TMEFF2: variants seen among roughly 807,000 people sequenced by gnomAD.
TMEFF2 encodes tomoregulin-2.
A neutral mutation model predicts 53.8 loss-of-function variants in TMEFF2; 28 were observed. The observed-to-expected ratio is 0.52, with a 90% confidence interval of 0.39 to 0.71. TMEFF2 has a LOEUF of 0.71. Ranked by LOEUF, TMEFF2 falls within the 30% of genes least tolerant of loss-of-function variation. The pLI, the probability that TMEFF2 is intolerant of heterozygous loss-of-function variation, is 0.00. For missense variants in TMEFF2, 353 were observed against 455.2 expected (o/e 0.78, Z 2.04); for synonymous variants, 162 against 166.3 (o/e 0.97, Z 0.20).
intron 4 of TMEFF2, among the ~76,000 whole-genome samples, chr2:192,089,134 A>T (rs536294886): frequency 4.9e-4 from 74 of 152,048 alleles, no homozygotes; most frequent in Non-Finnish European, 8.8e-4. Flanking sequence ...TAATTGCTCC[A>T]TTTTTTTCAC....
At chr2:192,051,824 G>A (rs925700645) in intron 5 of TMEFF2, among the ~76,000 whole-genome samples, 4 of 152,148 alleles carry the variant, frequency 2.6e-5, no homozygotes, top group African/African-American at 7.2e-5. Flanking sequence ...GTCTTTGTAA[G>A]AGACACCCAG....
At chr2:192,006,416 G>A (rs547985030) in intron 5 of TMEFF2, among the ~76,000 whole-genome samples, 2 of 152,072 alleles carry the variant, frequency 1.3e-5, no homozygotes, top group Non-Finnish European at 2.9e-5. Flanking sequence ...TTGAAGAGAG[G>A]GAACTATTGC....
chr2:192,129,039 G>A (rs1039639141), intron 4 of TMEFF2, among the ~76,000 whole-genome samples: 65 of 152,310 alleles, frequency 4.3e-4, no homozygotes, highest in African/African-American at 1.5e-3. Context: ...CCCCATAGGA[G>A]AGTGTTGAGC....
At chr2:192,030,131 A>G (rs77192188) in intron 5 of TMEFF2, among the ~76,000 whole-genome samples, 1,846 of 152,334 alleles carry the variant, frequency 0.012, 30 homozygotes, top group African/African-American at 0.042. Flanking sequence ...AAATAAGGTT[A>G]TTCTCAGAAG....
chr2:192,135,425 C>T (rs1368246723), intron 4 of TMEFF2, among the ~76,000 whole-genome samples: 1 of 151,578 alleles, frequency 6.6e-6, no homozygotes. Context: ...CATACAAAAC[C>T]GTATCCAGGC....
At chr2:192,123,403 GA>G (rs1689605676) in intron 4 of TMEFF2, among the ~76,000 whole-genome samples, 1 of 152,080 alleles carries the variant, frequency 6.6e-6, no homozygotes, top group Non-Finnish European at 1.5e-5. Flanking sequence ...AAAACTGAGT[GA>G]ACCATGGGAA....
intron 4 of TMEFF2, among the ~76,000 whole-genome samples, chr2:192,085,922 C>T (rs1688661176): frequency 6.6e-6 from 1 of 152,120 alleles, no homozygotes; most frequent in African/African-American, 2.4e-5. Flanking sequence ...GGATTCATTT[C>T]CCAAAAGCGA....
intron 4 of TMEFF2, among the ~76,000 whole-genome samples, chr2:192,114,425 A>G (rs572903094): frequency 1.3e-5 from 2 of 151,064 alleles, no homozygotes; most frequent in Non-Finnish European, 3.0e-5. Flanking sequence ...GCTATTCCAT[A>G]TAACACTGAG....
intron 7 of TMEFF2, among the ~76,000 whole-genome samples, chr2:191,964,475 T>TC (rs1692414938): frequency 1.3e-5 from 2 of 149,878 alleles, no homozygotes; most frequent in Non-Finnish European, 3.0e-5. Flanking sequence ...GGCCAATCCC[T>TC]CATGAATCTC....
At chr2:191,957,998 G>A (rs189350857) in intron 7 of TMEFF2, among the ~76,000 whole-genome samples, 2 of 152,314 alleles carry the variant, frequency 1.3e-5, no homozygotes, top group Non-Finnish European at 2.9e-5. Flanking sequence ...GGTAGCAAGT[G>A]CAGCTGCAGT....
intron 4 of TMEFF2, among the ~76,000 whole-genome samples, chr2:192,150,374 A>T (rs963763132): frequency 6.6e-6 from 1 of 151,886 alleles, no homozygotes; most frequent in African/African-American, 2.4e-5. Context: ...ATTCACTTGT[A>T]TCAAGCCTTG....
At chr2:192,051,043 CAGA>C (rs1390141046) in intron 5 of TMEFF2, among the ~76,000 whole-genome samples, 1 of 152,054 alleles carries the variant, frequency 6.6e-6, no homozygotes, top group Non-Finnish European at 1.5e-5. Context: ...TTGACACAAA[CAGA>C]AAACGCTACT....
intron 5 of TMEFF2, among the ~76,000 whole-genome samples, chr2:192,051,206 G>A (rs1331243917): frequency 1.4e-5 from 2 of 144,674 alleles, no homozygotes; most frequent in African/African-American, 2.5e-5. Flanking sequence ...ATTTTCTAGA[G>A]CAGATCTATT....
chr2:191,981,530 T>G (rs550887345), intron 7 of TMEFF2, among the ~76,000 whole-genome samples: 7 of 152,346 alleles, frequency 4.6e-5, no homozygotes, highest in Non-Finnish European at 8.8e-5. Flanking sequence ...GATAGCGTGT[T>G]GTATATATAA....
chr2:192,114,555 C>T (rs1689355616), intron 4 of TMEFF2, among the ~76,000 whole-genome samples: 1 of 151,424 alleles, frequency 6.6e-6, no homozygotes, highest in Admixed American at 6.6e-5. Flanking sequence ...ATATATAACT[C>T]TAAAGAATTC....
intron 5 of TMEFF2, 76 bp downstream of exon 5, chr2:192,057,603 C>T: frequency 1.6e-6 from 2 of 1,223,338 alleles, no homozygotes; most frequent in Non-Finnish European, 2.4e-6. Context: ...TCTTCTGTTG[C>T]AGAATGGTTG....
At chr2:191,991,922 A>C (rs12995362) in intron 7 of TMEFF2, among the ~76,000 whole-genome samples, 1 of 151,956 alleles carries the variant, frequency 6.6e-6, no homozygotes, top group African/African-American at 2.4e-5. Context: ...TGGCTACATG[A>C]TTTTATGGGG....
intron 5 of TMEFF2, among the ~76,000 whole-genome samples, chr2:192,040,818 C>T (rs1229871299): frequency 6.6e-6 from 1 of 152,080 alleles, no homozygotes; most frequent in Non-Finnish European, 1.5e-5. Context: ...AGAAATAAAT[C>T]TTTGTATACA....
At chr2:192,047,227 T>C (rs1687644570) in intron 5 of TMEFF2, among the ~76,000 whole-genome samples, 1 of 152,214 alleles carries the variant, frequency 6.6e-6, no homozygotes, top group Non-Finnish European at 1.5e-5. Flanking sequence ...GGCCTGCAGA[T>C]ACCTATGTTT....
Sources: gnomAD v4.1 joint callset for allele counts (sites outside exome capture counted in the v4.1 genomes callset) on GRCh38, gnomAD v4.1.1 for gene constraint, MANE v1.5 for transcripts, NCBI Gene and HGNC (gene_info 2026-07-23, HGNC 2026-07-21) for gene names.